GPC5: variants seen among roughly 807,000 people sequenced by gnomAD.
GPC5 encodes glypican 5.
In GPC5, 47 loss-of-function variants were observed where a neutral mutation model predicts 53.9. That is an observed-to-expected ratio of 0.87 (90% CI 0.69 to 1.11). GPC5 has a LOEUF of 1.11. Among genes scored for constraint, GPC5 ranks in the 50% most tolerant of loss-of-function variants. The probability of loss-of-function intolerance (pLI) is 0.00; values close to 1 mark genes in which losing one functional copy is unlikely to be tolerated. For synonymous variants in GPC5, 286 were observed against 263.3 expected (o/e 1.09, Z -0.84); for missense variants, 748 against 713.1 (o/e 1.05, Z -0.56).
At chr13:92,594,920 A>T (rs1883821553) in intron 7 of GPC5, among the ~76,000 whole-genome samples, 1 of 152,214 alleles carries the variant, frequency 6.6e-6, no homozygotes, top group African/African-American at 2.4e-5. Flanking sequence ...AAATGTGTAC[A>T]AATATTATTG....
At chr13:92,011,798 CTT>C (rs574247288) in intron 6 of GPC5, among the ~76,000 whole-genome samples, 200 of 152,300 alleles carry the variant, frequency 1.3e-3, no homozygotes, top group African/African-American at 4.7e-3. Flanking sequence ...ATATTACTAT[CTT>C]TAATTAGTCT....
rs79370167 is a variant in GPC5 at position 92,544,492 on chromosome 13, G to A, written c.1562-321790G>A. 9.4e-3 allele frequency among the ~76,000 whole-genome samples: 1,427 copies of A among 152,078 alleles called. 22 individuals carry two copies. The highest frequency in any genetic ancestry group is 0.032 in the African/African-American group (1,331 of 41,498). ...ACAATTTTTTAAGAGACATTATTTG[G>A]GTGTTATTATTGATGGTTTTTATCT... On this transcript the variant is annotated intron_variant, in intron 7 of 7. Transcript: ENST00000377067.
At position 92,090,014 on chromosome 13, in the gene GPC5, T is replaced by C. The variant is rs568659218; in HGVS notation, c.1402-54816T>C. ...TGAGTTCGTATCATGTCCCAGGCACTGTTAAAAACATTCATCTTATGTGGT... is the reference window on the plus strand; with the variant it reads ...TGAGTTCGTATCATGTCCCAGGCACCGTTAAAAACATTCATCTTATGTGGT... On this transcript the variant is annotated intron_variant, in intron 6 of 7. Transcript: ENST00000377067. Among the ~76,000 whole-genome samples the C allele has an allele frequency of 7.3e-4, 111 of 152,334 alleles. 1 individual carries two copies. Among genetic ancestry groups the C allele is most frequent in the Non-Finnish European group, 5.3e-4 (36 of 68,030 alleles).
intron 7 of GPC5, among the ~76,000 whole-genome samples, chr13:92,476,490 T>A (rs1879135084): frequency 6.6e-6 from 1 of 151,942 alleles, no homozygotes; most frequent in East Asian, 2.0e-4. Context: ...GTGTGGCGAT[T>A]CCTCAGTGAT....
At chr13:91,624,936 A>T (rs1049209719) in intron 2 of GPC5, among the ~76,000 whole-genome samples, 3 of 152,024 alleles carry the variant, frequency 2.0e-5, no homozygotes, top group Admixed American at 2.0e-4. Context: ...CAAGAAAGGA[A>T]TTTTTTCTTT....
intron 7 of GPC5, among the ~76,000 whole-genome samples, chr13:92,690,671 T>C (rs1370719594): frequency 1.4e-5 from 2 of 142,990 alleles, no homozygotes; most frequent in South Asian, 4.8e-4. Flanking sequence ...AGTTTTTCTG[T>C]TCTGTTTTTT....
intron 2 of GPC5, among the ~76,000 whole-genome samples, chr13:91,479,093 A>G (rs1883167125): frequency 6.6e-6 from 1 of 150,856 alleles, no homozygotes. Flanking sequence ...TTTGTATTTT[A>G]GTAGAGATGG....
At chr13:91,570,460 A>T (rs1034960562) in intron 2 of GPC5, among the ~76,000 whole-genome samples, 1 of 152,180 alleles carries the variant, frequency 6.6e-6, no homozygotes, top group African/African-American at 2.4e-5. Flanking sequence ...TGTGTTCCAA[A>T]GGATTTTGGT....
intron 7 of GPC5, among the ~76,000 whole-genome samples, chr13:92,336,521 C>G (rs1314462583): frequency 6.6e-6 from 1 of 151,500 alleles, no homozygotes; most frequent in Non-Finnish European, 1.5e-5. Context: ...AAATACTTTA[C>G]CAAGATTAAT....
At chr13:91,761,366 G>GT (rs1332871637) in intron 5 of GPC5, among the ~76,000 whole-genome samples, 2 of 151,726 alleles carry the variant, frequency 1.3e-5, no homozygotes, top group Non-Finnish European at 2.9e-5. Context: ...AAATTGTGGG[G>GT]TTTTTTTTCA....
chr13:92,136,232 GC>G (rs1320521775), intron 6 of GPC5, among the ~76,000 whole-genome samples: 3 of 152,022 alleles, frequency 2.0e-5, no homozygotes, highest in South Asian at 2.1e-4. Context: ...AATATTACGA[GC>G]TTTTGTTGCT....
chr13:92,338,641 A>T (rs1432652044), intron 7 of GPC5, among the ~76,000 whole-genome samples: 2 of 152,126 alleles, frequency 1.3e-5, no homozygotes, highest in African/African-American at 4.8e-5. Flanking sequence ...CAGTCTTAAA[A>T]GGTTATATAC....
chr13:91,646,733 C>A (rs976001913), intron 2 of GPC5, among the ~76,000 whole-genome samples: 11 of 151,874 alleles, frequency 7.2e-5, no homozygotes, highest in African/African-American at 2.7e-4. Context: ...ATAAAAAGTC[C>A]CAAATCTACT....
At chr13:91,572,108 C>T (rs2031909017) in intron 2 of GPC5, among the ~76,000 whole-genome samples, 2 of 124,498 alleles carry the variant, frequency 1.6e-5, no homozygotes, top group African/African-American at 6.1e-5. Flanking sequence ...TGTATATACA[C>T]ACATGTATAT....
chr13:92,242,392 C>T (rs528218924), intron 7 of GPC5, among the ~76,000 whole-genome samples: 5 of 152,220 alleles, frequency 3.3e-5, no homozygotes, highest in African/African-American at 9.6e-5. Flanking sequence ...ACCATTTTGA[C>T]ATGCATTTAT....
At chr13:92,084,969 A>C (rs2041324841) in intron 6 of GPC5, among the ~76,000 whole-genome samples, 1 of 152,196 alleles carries the variant, frequency 6.6e-6, no homozygotes, top group Non-Finnish European at 1.5e-5. Context: ...GATATCTGGC[A>C]AGAGCTTGCT....
intron 7 of GPC5, among the ~76,000 whole-genome samples, chr13:92,723,549 C>T (rs972847400): frequency 2.0e-5 from 3 of 151,632 alleles, no homozygotes; most frequent in African/African-American, 7.3e-5. Context: ...CCACCTCATC[C>T]CTCCCCTTAA....
intron 7 of GPC5, among the ~76,000 whole-genome samples, chr13:92,832,749 T>C (rs1358055190): frequency 2.0e-5 from 3 of 152,198 alleles, no homozygotes; most frequent in Non-Finnish European, 4.4e-5. Context: ...GGCTCACACC[T>C]GTAGTCCCCG....
chr13:91,847,363 G>T (rs559573423), intron 5 of GPC5, among the ~76,000 whole-genome samples: 1 of 152,094 alleles, frequency 6.6e-6, no homozygotes, highest in African/African-American at 2.4e-5. Flanking sequence ...AATTGTGTGT[G>T]TGTGTGTGTG....
Sources: gnomAD v4.1 joint callset for allele counts (sites outside exome capture counted in the v4.1 genomes callset) on GRCh38, gnomAD v4.1.1 for gene constraint, MANE v1.5 for transcripts, NCBI Gene and HGNC (gene_info 2026-07-23, HGNC 2026-07-21) for gene names.